The following CADM2 variants were observed in gnomAD, a reference collection of about 807,000 sequenced individuals.
CADM2 encodes the protein cell adhesion molecule 2.
Under a neutral mutation model 49.8 loss-of-function variants are expected in CADM2, and 12 were observed. The ratio of observed to expected loss-of-function variants is 0.24; its 90% CI spans 0.15 to 0.39. The LOEUF is 0.39. Ranked by LOEUF, CADM2 falls within the 10% of genes least tolerant of loss-of-function variation. CADM2 has a pLI of 1.00. For synonymous variants in CADM2, 214 were observed against 175.4 expected (o/e 1.22, Z -1.74); for missense variants, 378 against 492.3 (o/e 0.77, Z 2.20).
chr3:85,420,225 C>G (rs1576520857), intron 1 of CADM2, among the ~76,000 whole-genome samples: 1 of 152,140 alleles, frequency 6.6e-6, no homozygotes, highest in African/African-American at 2.4e-5. Context: ...TTCTCTCAAA[C>G]TTTTGCTGCA....
chr3:85,591,378 A>T (rs899083206), intron 1 of CADM2, among the ~76,000 whole-genome samples: 1 of 151,556 alleles, frequency 6.6e-6, no homozygotes, highest in African/African-American at 2.4e-5. Flanking sequence ...AATAATTTAC[A>T]TTCTGAGGCT....
At chr3:85,180,072 T>G (rs2040888915) in intron 1 of CADM2, among the ~76,000 whole-genome samples, 1 of 152,074 alleles carries the variant, frequency 6.6e-6, no homozygotes, top group Non-Finnish European at 1.5e-5. Flanking sequence ...ATAAAAATCT[T>G]TTACATTCAA....
chr3:85,144,245 G>GCACACACACACACACA (rs3083491), intron 1 of CADM2, among the ~76,000 whole-genome samples: 1 of 148,938 alleles, frequency 6.7e-6, no homozygotes, highest in Non-Finnish European at 1.5e-5. Context: ...TGTTACACAC[G>GCACACACACACACACA]CACACACACA....
At chr3:85,880,351 A>C (rs1424806925) in intron 3 of CADM2, among the ~76,000 whole-genome samples, 1 of 151,950 alleles carries the variant, frequency 6.6e-6, no homozygotes, top group East Asian at 1.9e-4. Flanking sequence ...TATTTGAAAA[A>C]ACTCAGGAGA....
chr3:85,900,539 T>A (rs9860792), intron 5 of CADM2, among the ~76,000 whole-genome samples: 54,572 of 151,886 alleles, frequency 0.36, 10,115 homozygotes, highest in East Asian at 0.42. Flanking sequence ...ACATTTTTTT[T>A]AAATTTTTAC....
At chr3:85,061,184 C>T (rs1162623803) in intron 1 of CADM2, among the ~76,000 whole-genome samples, 1 of 152,058 alleles carries the variant, frequency 6.6e-6, no homozygotes, top group Non-Finnish European at 1.5e-5. Flanking sequence ...TATGTATCTC[C>T]AGCATAGTAT....
At chr3:85,571,859 C>A (rs1324351098) in intron 1 of CADM2, among the ~76,000 whole-genome samples, 1 of 152,126 alleles carries the variant, frequency 6.6e-6, no homozygotes, top group East Asian at 1.9e-4. Flanking sequence ...GACTTATAGT[C>A]ATGAATGAAA....
chr3:85,211,034 A>T (rs542861922), intron 1 of CADM2, among the ~76,000 whole-genome samples: 7 of 152,032 alleles, frequency 4.6e-5, no homozygotes, highest in Non-Finnish European at 8.8e-5. Context: ...GTAGGAATTT[A>T]TTTATTCATT....
intron 1 of CADM2, among the ~76,000 whole-genome samples, chr3:85,027,432 G>A (rs1288181240): frequency 6.6e-6 from 1 of 151,636 alleles, no homozygotes; most frequent in African/African-American, 2.4e-5. Context: ...TTTAAAATTC[G>A]TTTTATGTAA....
chr3:85,223,037 TA>T (rs1015572399), intron 1 of CADM2, among the ~76,000 whole-genome samples: 45 of 152,162 alleles, frequency 3.0e-4, no homozygotes, highest in African/African-American at 1.1e-3. Flanking sequence ...TAGTAACTGT[TA>T]GGGGGCCAGT....
chr3:85,162,896 A>G (rs1057290581), intron 1 of CADM2, among the ~76,000 whole-genome samples: 3 of 152,056 alleles, frequency 2.0e-5, no homozygotes, highest in Non-Finnish European at 4.4e-5. Context: ...ATTAAATGAC[A>G]GTAATTAGTA....
At position 85,292,553 on chromosome 3, in the gene CADM2, A is replaced by T. The variant is rs2043831181; in HGVS notation, c.61+332885A>T. ...CATACTTGGAAGTAAAGCTCTCCTC[A>T]GCAAATGTAAAAGAACTGAAATTAT... On this transcript the variant is annotated intron_variant, in intron 1 of 9. Transcript: ENST00000383699. Among the ~76,000 whole-genome samples the T allele has an allele frequency of 6.6e-5, 10 of 152,180 alleles. No homozygotes were observed. The South Asian group carries it at 2.1e-3, about 32-fold the overall frequency.
intron 1 of CADM2, among the ~76,000 whole-genome samples, chr3:85,717,387 T>C (rs1167863689): frequency 6.6e-6 from 1 of 152,206 alleles, no homozygotes; most frequent in African/African-American, 2.4e-5. Context: ...CTTAAGGATT[T>C]AGGGGGCTGA....
chr3:85,840,607 T>C (rs2074600173), intron 3 of CADM2, among the ~76,000 whole-genome samples: 1 of 151,928 alleles, frequency 6.6e-6, no homozygotes, highest in African/African-American at 2.4e-5. Context: ...TTCAATTATA[T>C]GACACAGAAT....
chr3:85,135,348 T>TTA (rs1418173718), intron 1 of CADM2, among the ~76,000 whole-genome samples: 1 of 152,012 alleles, frequency 6.6e-6, no homozygotes, highest in African/African-American at 2.4e-5. Context: ...CTCTAACATA[T>TTA]TATTGTAGTA....
At chr3:85,519,778 A>G (rs546497127) in intron 1 of CADM2, among the ~76,000 whole-genome samples, 1 of 152,100 alleles carries the variant, frequency 6.6e-6, no homozygotes, top group Admixed American at 6.6e-5. Flanking sequence ...TTGATTTTCT[A>G]TTCGGAAGAA....
At chr3:85,556,960 A>G (rs1312489061) in intron 1 of CADM2, among the ~76,000 whole-genome samples, 1 of 152,032 alleles carries the variant, frequency 6.6e-6, no homozygotes, top group Admixed American at 6.6e-5. Flanking sequence ...GGACTCCTAA[A>G]CCATTTGCTC....
At chr3:85,271,710 A>G (rs1288920847) in intron 1 of CADM2, among the ~76,000 whole-genome samples, 1 of 150,896 alleles carries the variant, frequency 6.6e-6, no homozygotes, top group African/African-American at 2.4e-5. Flanking sequence ...TATCTCTTAA[A>G]TTAAAAAAAA....
intron 1 of CADM2, among the ~76,000 whole-genome samples, chr3:85,685,014 A>G (rs1371111173): frequency 6.6e-6 from 1 of 152,184 alleles, no homozygotes; most frequent in Non-Finnish European, 1.5e-5. Flanking sequence ...CTGTAATCCC[A>G]GCAAGAGGAG....
Sources: gnomAD v4.1 joint callset for allele counts (sites outside exome capture counted in the v4.1 genomes callset) on GRCh38, gnomAD v4.1.1 for gene constraint, MANE v1.5 for transcripts, NCBI Gene and HGNC (gene_info 2026-07-23, HGNC 2026-07-21) for gene names.